MEGF6: variants seen among roughly 807,000 people sequenced by gnomAD.
MEGF6 encodes multiple epidermal growth factor-like domains protein 6.
Under a neutral mutation model 207.1 loss-of-function variants are expected in MEGF6, and 184 were observed. The ratio of observed to expected loss-of-function variants is 0.89; its 90% CI spans 0.79 to 1.00. The LOEUF (loss-of-function observed/expected upper bound fraction) is 1.00, where lower values mean the gene tolerates loss of function less well. Ranked by LOEUF, MEGF6 falls within the 50% of genes least tolerant of loss-of-function variation. The probability of loss-of-function intolerance (pLI) is 0.00; values close to 1 mark genes in which losing one functional copy is unlikely to be tolerated. For synonymous variants in MEGF6, 1,038 were observed against 910.0 expected (o/e 1.14, Z -2.53); for missense variants, 2,282 against 2,202.9 (o/e 1.04, Z -0.72).
chr1:3,517,850 C>T (rs1230004183), intron 5 of MEGF6, among the ~76,000 whole-genome samples: 1 of 152,238 alleles, frequency 6.6e-6, no homozygotes, highest in Non-Finnish European at 1.5e-5. Context: ...CGGACAGATG[C>T]GGGCTCGACA....
At position 3,501,864 on chromosome 1, in the gene MEGF6, G is replaced by GC. The variant is rs755877822; in HGVS notation, c.2245dup (p.Ala749GlyfsTer22). 179 of 1,606,468 alleles carry GC rather than the reference G, an allele frequency of 1.1e-4. No homozygotes were observed. Among genetic ancestry groups the GC allele is most frequent in the Non-Finnish European group, 1.0e-4 (119 of 1,177,754 alleles). On this transcript the variant is annotated frameshift_variant, in exon 18 of 37. Transcript: ENST00000356575. LOFTEE classifies it high-confidence loss of function. ...CTGCCCCGTGACCCCGTGGCAGGGGGCCCCCCCACAGGAGCAGGAGCTCGA... is the reference window on the plus strand; with the variant it reads ...CTGCCCCGTGACCCCGTGGCAGGGGGCCCCCCCCACAGGAGCAGGAGCTCGA...
intron 17 of MEGF6, among the ~76,000 whole-genome samples, chr1:3,504,264 C>A (rs915321666): frequency 2.0e-5 from 3 of 152,208 alleles, no homozygotes; most frequent in Non-Finnish European, 4.4e-5. Flanking sequence ...GGACAGCGTG[C>A]GCCATGCCAA....
chr1:3,537,411 T>G (rs978214772), intron 4 of MEGF6, among the ~76,000 whole-genome samples: 1 of 152,196 alleles, frequency 6.6e-6, no homozygotes, highest in Non-Finnish European at 1.5e-5. Flanking sequence ...GAGGTGGCCA[T>G]GTTGCAGGGA....
At chr1:3,492,886 G>A (rs1045442652) in intron 34 of MEGF6, 119 bp from the exon 35 acceptor site, 136 of 1,409,300 alleles carry the variant, frequency 9.7e-5, no homozygotes, top group Non-Finnish European at 1.2e-4. Context: ...TTCTGCCTGG[G>A]TGTGTGCGGG....
At chr1:3,584,806 C>T (rs187859992) in intron 3 of MEGF6, among the ~76,000 whole-genome samples, 12 of 152,212 alleles carry the variant, frequency 7.9e-5, no homozygotes, top group Admixed American at 2.0e-4. Flanking sequence ...CCGCAAGCAC[C>T]GGGGAGGCAT....
intron 6 of MEGF6, 67 bp downstream of exon 6, chr1:3,515,335 A>T: frequency 2.0e-6 from 3 of 1,536,820 alleles, no homozygotes; most frequent in Non-Finnish European, 2.6e-6. Context: ...TCCACCCAAC[A>T]GCCCAGGCGA....
At position 3,611,474 on chromosome 1, in the gene MEGF6, C is replaced by T. The variant is rs1644325942; in HGVS notation, c.-206G>A. The T allele has an allele frequency of 6.6e-6, 4 of 602,096 alleles. No individual in the cohort carries two copies. In the South Asian group the frequency reaches 1.5e-4, roughly 23 times the overall value. 37.3% of individuals were successfully genotyped at this position (602,096 alleles called of 1,614,324 possible). On this transcript the variant is annotated 5_prime_UTR_variant, in exon 1 of 37. Coordinates refer to ENST00000356575, the MANE Select transcript of MEGF6 (RefSeq NM_001409.4). ...GCGGAGACCTGATCGCCGGGTCCAC[C>T]CTGCAGGAACTCGCCCCGGCGCGTT...
intron 4 of MEGF6, among the ~76,000 whole-genome samples, chr1:3,570,725 C>T (rs1190806962): frequency 1.3e-5 from 2 of 152,240 alleles, no homozygotes; most frequent in African/African-American, 4.8e-5. Flanking sequence ...CTGTGCCAGG[C>T]CCTCACTGCC....
chr1:3,501,089 G>A lies in MEGF6; in HGVS notation c.2452C>T (p.Pro818Ser), dbSNP rs371056987. 3.7e-6 allele frequency: 6 copies of A among 1,612,588 alleles called. No homozygotes were observed. The highest frequency in any genetic ancestry group is 4.2e-6 in the Non-Finnish European group (5 of 1,179,904). Residue 818 changes from proline (P) to serine (S), a missense_variant, in exon 20 of 37, where the codon CCA (proline) becomes TCA (serine). Pro to Ser is a moderately conservative substitution (Grantham distance 74). Coordinates refer to ENST00000356575, the MANE Select transcript of MEGF6 (RefSeq NM_001409.4). ...CAGCTGGGACCATACCAGCCTGCTG[G>A]GCACACTACAGGCAGGCGAGAGAGG... Reference protein sequence around the residue: ...FVGSRCQDVCPAGWYGPSCQT... With the variant: ...FVGSRCQDVCSAGWYGPSCQT...
At chr1:3,616,384 C>T (rs767877203), upstream of MEGF6, among the ~76,000 whole-genome samples, 4 of 152,178 alleles carry the variant, frequency 2.6e-5, no homozygotes, top group African/African-American at 4.8e-5. Context: ...GCAAGGTGCC[C>T]GCAGCAGTCC....
At position 3,501,324 on chromosome 1, in the gene MEGF6, A is replaced by G; in HGVS notation, c.2315-16T>C. ...TCGGGACAATCTAGTGCCCACCCCC[A>G]TGGCCAGTCAGTGCCCAAGCTGCCC... On this transcript the variant is annotated splice_polypyrimidine_tract_variant and intron_variant, in intron 18 of 36. Coordinates refer to ENST00000356575, the MANE Select transcript of MEGF6 (RefSeq NM_001409.4). 1.3e-6 allele frequency: 2 copies of G among 1,586,154 alleles called. No individual in the cohort carries two copies. The highest frequency in any genetic ancestry group is 1.7e-4 in the Middle Eastern group (1 of 6,032).
intron 4 of MEGF6, among the ~76,000 whole-genome samples, chr1:3,533,257 A>G (rs1642230363): frequency 6.6e-6 from 1 of 152,182 alleles, no homozygotes; most frequent in Non-Finnish European, 1.5e-5. Context: ...TCCAGAGGCC[A>G]GCCCGCCCCC....
chr1:3,603,727 C>T (rs749070629), intron 1 of MEGF6, among the ~76,000 whole-genome samples: 4 of 152,124 alleles, frequency 2.6e-5, no homozygotes, highest in Non-Finnish European at 4.4e-5. Flanking sequence ...AGGCTCGGTA[C>T]CGCCCTCCGC....
At chr1:3,615,128 C>A (rs1644366949), upstream of MEGF6, among the ~76,000 whole-genome samples, 1 of 152,236 alleles carries the variant, frequency 6.6e-6, no homozygotes, top group African/African-American at 2.4e-5. Flanking sequence ...ATTTTGGAGT[C>A]ACTTTGCCCA....
chr1:3,516,263 GCCAGGCTGGGCAC>G (rs1641538364), intron 5 of MEGF6, among the ~76,000 whole-genome samples: 1 of 152,234 alleles, frequency 6.6e-6, no homozygotes, highest in Non-Finnish European at 1.5e-5. Flanking sequence ...AGGGCGCTGG[GCCAGGCTGGGCAC>G]CCAGGGTGGG....
At chr1:3,578,542 G>A (rs1021417423) in intron 4 of MEGF6, among the ~76,000 whole-genome samples, 1 of 152,156 alleles carries the variant, frequency 6.6e-6, no homozygotes, top group African/African-American at 2.4e-5. Context: ...GCCCTGGGGG[G>A]GGGGGGCCCT....
chr1:3,607,089 G>C (rs1283221255), intron 1 of MEGF6, among the ~76,000 whole-genome samples: 1 of 151,980 alleles, frequency 6.6e-6, no homozygotes, highest in Non-Finnish European at 1.5e-5. Flanking sequence ...CACGGCCGGG[G>C]TTAGGGGTAC....
rs546534905 is a variant in MEGF6, at chr1:3,514,613, C to G, written c.790G>C (p.Gly264Arg). The G allele has an allele frequency of 1.9e-6, 3 of 1,579,994 alleles. No homozygotes were observed. In the East Asian group the frequency reaches 6.9e-5, roughly 37 times the overall value. Residue 264 changes from glycine (G) to arginine (R), a missense_variant, in exon 7 of 37, where the codon GGC (glycine) becomes CGC (arginine). Coordinates refer to ENST00000356575, the MANE Select transcript of MEGF6 (RefSeq NM_001409.4). ...SCMHRCQVVR[G>R]LARCECHVGY... is the part of the protein sequence containing the mutation. ...ACGTGGCACTCACAGCGGGCGAGGC[C>G]CCGGACCACCTGGCACCTGTGCATG...
chr1:3,614,770 T>G (rs1456393282), upstream of MEGF6, among the ~76,000 whole-genome samples: 5 of 152,262 alleles, frequency 3.3e-5, no homozygotes, highest in African/African-American at 1.2e-4. Context: ...CCCTCAGCAT[T>G]TATTCTGCTG....
Sources: allele counts gnomAD v4.1 joint callset (sites outside exome capture counted in the v4.1 genomes callset), GRCh38; gene constraint gnomAD v4.1.1; transcripts MANE v1.5; gene names NCBI Gene and HGNC (gene_info 2026-07-23, HGNC 2026-07-21).